Variants in ZNF33A observed in about 807,000 individuals in gnomAD.
ZNF33A encodes the protein zinc finger protein 33A, also known as brain my041 protein.
ZNF33A carries 9 observed loss-of-function variants against 15.9 expected under a neutral mutation model. That is an observed-to-expected ratio of 0.57 (90% CI 0.34 to 0.99). ZNF33A has a LOEUF of 0.99. Among genes scored for constraint, ZNF33A ranks in the 50% least tolerant of loss-of-function variants. The probability of loss-of-function intolerance (pLI) is 0.02; values close to 1 mark genes in which losing one functional copy is unlikely to be tolerated. For missense variants in ZNF33A, 843 were observed against 941.6 expected (o/e 0.90, Z 1.37); for synonymous variants, 294 against 324.2 (o/e 0.91, Z 1.00).
intron 4 of ZNF33A, among the ~76,000 whole-genome samples, chr10:38,049,768 A>G (rs930574398): frequency 2.0e-5 from 3 of 152,142 alleles, no homozygotes; most frequent in Non-Finnish European, 4.4e-5. Context: ...AGAACAATAT[A>G]ATATGTAGAA....
At chr10:38,045,299 G>T (rs1396021038) in intron 4 of ZNF33A, among the ~76,000 whole-genome samples, 1 of 152,124 alleles carries the variant, frequency 6.6e-6, no homozygotes, top group Non-Finnish European at 1.5e-5. Flanking sequence ...CACTATCTTT[G>T]GGATGGCAGT....
intron 4 of ZNF33A, among the ~76,000 whole-genome samples, chr10:38,034,953 A>G (rs903738274): frequency 6.6e-6 from 1 of 152,014 alleles, no homozygotes; most frequent in Non-Finnish European, 1.5e-5. Flanking sequence ...ACATGTAACC[A>G]TCTGTATCTC....
chr10:38,030,440 A>G (rs1232057268), intron 4 of ZNF33A, among the ~76,000 whole-genome samples: 11 of 152,210 alleles, frequency 7.2e-5, no homozygotes, highest in Admixed American at 7.2e-4. Context: ...TTATGGATGA[A>G]TCTCAAGAGA....
Position 38,054,856 on chromosome 10 carries a change from G to T in ZNF33A, c.732G>T (p.Glu244Asp), listed in dbSNP as rs1251875790. Residue 244 changes from glutamate (E) to aspartate (D), a missense_variant, in exon 5 of 5, where the codon GAG (glutamate) becomes GAT (aspartate). Glu to Asp is a conservative substitution (Grantham distance 45). Coordinates refer to ENST00000432900, the MANE Select transcript of ZNF33A (RefSeq NM_006954.2). ...FNTQKRENAE[E>D]NNCDYNEFGR... ...CACAGAAGAGAGAGAACGCAGAAGA[G>T]AATAACTGTGATTATAATGAATTTG... 1.9e-6 allele frequency: 3 copies of T among 1,613,326 alleles called. No individual in the cohort carries two copies. The African/African-American group carries it at 4.0e-5, about 22-fold the overall frequency.
At position 38,057,026 on chromosome 10, in the gene ZNF33A, A is replaced by G. The variant is rs2066511299; in HGVS notation, c.*466A>G. The G allele has an allele frequency of 1.4e-6, 1 of 719,722 alleles. No homozygotes were observed. The highest frequency in any genetic ancestry group is 1.7e-6 in the Non-Finnish European group (1 of 585,960). The allele number at this position is 719,722 out of a possible 1,614,324, so 44.6% of individuals were successfully genotyped here. A position where few individuals can be genotyped will look rare whatever the true frequency, so the allele number is the denominator to read the frequency against. On this transcript the variant is annotated 3_prime_UTR_variant, in exon 5 of 5. Coordinates refer to ENST00000432900, the MANE Select transcript of ZNF33A (RefSeq NM_006954.2). ...CTTCCTCTAAGGATAATGTATAATC[A>G]TAGTATATGGTCAAGTCCAAGAAAT... is the stretch of plus-strand genomic sequence containing the variant.
At chr10:38,064,084 C>T (rs1176081132), downstream of ZNF33A, 9 of 1,597,232 alleles carry the variant, frequency 5.6e-6, no homozygotes, top group Non-Finnish European at 7.6e-6. Flanking sequence ...TTACTCCCTC[C>T]CAGGCCCCTG....
chr10:38,062,586 T>G (rs1361859704), downstream of ZNF33A, among the ~76,000 whole-genome samples: 1 of 152,164 alleles, frequency 6.6e-6, no homozygotes, highest in Non-Finnish European at 1.5e-5. Context: ...GAGAGAGATT[T>G]GTAATACCCC....
At chr10:38,011,101 A>G (rs569022986) in intron 1 of ZNF33A, among the ~76,000 whole-genome samples, 38 of 152,284 alleles carry the variant, frequency 2.5e-4, no homozygotes, top group African/African-American at 9.1e-4. Flanking sequence ...CGCGTGTGCT[A>G]GGGCGCCGCG....
downstream of ZNF33A, among the ~76,000 whole-genome samples, chr10:38,061,799 A>AATAGT (rs2066657740): frequency 6.6e-6 from 1 of 152,116 alleles, no homozygotes; most frequent in African/African-American, 2.4e-5. Context: ...CGTCTCTACT[A>AATAGT]AAACTATAAA....
At chr10:38,061,374 C>A (rs1205659135), downstream of ZNF33A, among the ~76,000 whole-genome samples, 1 of 152,140 alleles carries the variant, frequency 6.6e-6, no homozygotes, top group Non-Finnish European at 1.5e-5. Flanking sequence ...GGTCCAGGTG[C>A]TGATGAGAAG....
chr10:38,062,433 G>GA (rs1197948542), downstream of ZNF33A, among the ~76,000 whole-genome samples: 3 of 152,286 alleles, frequency 2.0e-5, no homozygotes, highest in East Asian at 1.9e-4. Flanking sequence ...GGACACTATT[G>GA]AAAAAAATCA....
intron 4 of ZNF33A, among the ~76,000 whole-genome samples, chr10:38,052,315 A>G (rs555375400): frequency 6.6e-6 from 1 of 152,254 alleles, no homozygotes; most frequent in East Asian, 1.9e-4. Flanking sequence ...TTACTTCTAT[A>G]TATTAGCAAT....
chr10:38,053,079 T>G (rs574823414), intron 4 of ZNF33A, among the ~76,000 whole-genome samples: 15 of 152,176 alleles, frequency 9.9e-5, no homozygotes, highest in African/African-American at 2.2e-4. Flanking sequence ...AATTATTGCT[T>G]CTTCTTTTTC....
rs746891882 is a variant in ZNF33A at position 38,056,188 on chromosome 10, G to A, written c.2064G>A (p.Thr688=). The part of the protein sequence containing the change: ...SGLIFHERKH[T]GEKPYECNEC... Reference sequence around the variant, plus strand: ...TTATTTTCCATGAGAGAAAGCACACGGGGGAGAAACCCTATGAATGCAATG... The same window carrying A: ...TTATTTTCCATGAGAGAAAGCACACAGGGGAGAAACCCTATGAATGCAATG... Residue 688 remains threonine (T), a synonymous_variant, in exon 5 of 5, where the codon ACG becomes ACA. Coordinates refer to ENST00000432900, the MANE Select transcript of ZNF33A (RefSeq NM_006954.2). The A allele has an allele frequency of 1.5e-5, 25 of 1,613,352 alleles. No homozygotes were observed. Among genetic ancestry groups the A allele is most frequent in the Admixed American group, 8.3e-5 (5 of 59,950 alleles).
At chr10:38,012,639 C>G (rs1367650220) in intron 2 of ZNF33A, among the ~76,000 whole-genome samples, 2 of 152,070 alleles carry the variant, frequency 1.3e-5, no homozygotes, top group African/African-American at 2.4e-5. Flanking sequence ...ACCGTGTTGC[C>G]TAGGCTGGTC....
rs2066404453 is a variant in ZNF33A, at chr10:38,055,116, G to A, written c.992G>A (p.Cys331Tyr). ...GATAAAGGAGAGAAACACTTTGAAT[G>A]TAATGAATGTGGGAAAGCTTTCTGG... Reference protein sequence around the residue: ...KGDKGEKHFECNECGKAFWEK... With the variant: ...KGDKGEKHFEYNECGKAFWEK... The change falls in exon 5 of 5, where the codon TGT becomes TAT. Residue 331 changes from cysteine to tyrosine, a missense_variant. Cys to Tyr is a radical substitution (Grantham distance 194). Transcript: ENST00000432900. The A allele has an allele frequency of 6.2e-7, 1 of 1,614,138 alleles. No individual in the cohort carries two copies. The highest frequency in any genetic ancestry group is 8.5e-7 in the Non-Finnish European group (1 of 1,179,978).
chr10:38,051,258 G>A (rs2066188769), intron 4 of ZNF33A, among the ~76,000 whole-genome samples: 1 of 152,034 alleles, frequency 6.6e-6, no homozygotes, highest in African/African-American at 2.4e-5. Flanking sequence ...TAATATTCAC[G>A]AAGAATTAAT....
downstream of ZNF33A, among the ~76,000 whole-genome samples, chr10:38,065,294 ACTC>A (rs1409761509): frequency 3.3e-5 from 5 of 151,614 alleles, no homozygotes; most frequent in Non-Finnish European, 7.4e-5. Context: ...CTGGCCTTGA[ACTC>A]CTGACCTTGG....
Position 38,057,937 on chromosome 10 carries a change from G to A in ZNF33A, c.*1377G>A. 1 of 985,380 alleles carries A rather than the reference G, an allele frequency of 1.0e-6. No individual in the cohort carries two copies. The highest frequency in any genetic ancestry group is 1.2e-6 in the Non-Finnish European group (1 of 829,956). The allele number at this position is 985,380 out of a possible 1,614,324, so 61.0% of individuals were successfully genotyped here. On this transcript the variant is annotated 3_prime_UTR_variant, in exon 5 of 5. Transcript: ENST00000432900. ...AGACTTTTGAGAATATGAAGAGGAG[G>A]GTTGAGGCTGGAGCAGAACCAGAAT...
Sources: gnomAD v4.1 joint callset for allele counts (sites outside exome capture counted in the v4.1 genomes callset) on GRCh38, gnomAD v4.1.1 for gene constraint, MANE v1.5 for transcripts, NCBI Gene and HGNC (gene_info 2026-07-23, HGNC 2026-07-21) for gene names.